The following TDRD3 variants were observed in gnomAD, a reference collection of about 807,000 sequenced individuals.
TDRD3 encodes the protein tudor domain-containing protein 3.
TDRD3 carries 45 observed loss-of-function variants against 86.7 expected under a neutral mutation model. The observed-to-expected ratio is 0.52, with a 90% CI of 0.41 to 0.67. The LOEUF (loss-of-function observed/expected upper bound fraction) is 0.67. Ranked by LOEUF, TDRD3 falls within the 30% of genes least tolerant of loss-of-function variation. The pLI, the probability that TDRD3 is intolerant of heterozygous loss-of-function variation, is 0.00. For missense variants in TDRD3, 814 were observed against 889.0 expected (o/e 0.92, Z 1.07); for synonymous variants, 298 against 301.7 (o/e 0.99, Z 0.13).
intron 12 of TDRD3, among the ~76,000 whole-genome samples, chr13:60,555,837 C>G (rs1284104020): frequency 1.3e-5 from 2 of 150,468 alleles, no homozygotes; most frequent in Non-Finnish European, 3.0e-5. Flanking sequence ...GGAAAAAAAA[C>G]CAACCTATTT....
chr13:60,498,804 C>T (rs1241557197), intron 8 of TDRD3, among the ~76,000 whole-genome samples: 5 of 152,082 alleles, frequency 3.3e-5, no homozygotes, highest in African/African-American at 1.2e-4. Context: ...GTTTTGGGGA[C>T]TACTGGAAAC....
At chr13:60,416,426 C>T (rs1479854871) in intron 1 of TDRD3, among the ~76,000 whole-genome samples, 1 of 152,092 alleles carries the variant, frequency 6.6e-6, no homozygotes, top group African/African-American at 2.4e-5. Flanking sequence ...GTGCTATTTC[C>T]AAAGCAGTAT....
intron 1 of TDRD3, among the ~76,000 whole-genome samples, chr13:60,436,449 A>T (rs1164844497): frequency 1.3e-5 from 2 of 152,076 alleles, no homozygotes; most frequent in African/African-American, 4.8e-5. Context: ...CGATTTTTGT[A>T]TAAGGTGAGA....
At chr13:60,550,472 AAG>A (rs1202348635) in intron 12 of TDRD3, among the ~76,000 whole-genome samples, 2 of 152,208 alleles carry the variant, frequency 1.3e-5, no homozygotes, top group African/African-American at 4.8e-5. Context: ...TGTAGATACG[AAG>A]AGAGGAAAAA....
intron 1 of TDRD3, among the ~76,000 whole-genome samples, chr13:60,427,034 A>T (rs1954831030): frequency 6.6e-6 from 1 of 152,258 alleles, no homozygotes; most frequent in Non-Finnish European, 1.5e-5. Context: ...TGTATATTAA[A>T]AAATATGTAA....
chr13:60,501,040 A>G (rs778619772), intron 8 of TDRD3, among the ~76,000 whole-genome samples: 8 of 152,174 alleles, frequency 5.3e-5, no homozygotes, highest in South Asian at 4.1e-4. Context: ...GCCAGTGACT[A>G]TTCCTTGGGG....
chr13:60,535,416 A>T (rs1957677883), intron 12 of TDRD3, 183 bp downstream of exon 12: 5 of 489,032 alleles, frequency 1.0e-5, no homozygotes, highest in Non-Finnish European at 1.6e-5. Context: ...AATAAAAATG[A>T]ATGCATTGAA....
intron 3 of TDRD3, among the ~76,000 whole-genome samples, chr13:60,453,933 G>A (rs1955604988): frequency 6.6e-6 from 1 of 150,860 alleles, no homozygotes; most frequent in African/African-American, 2.4e-5. Flanking sequence ...TTCTCTTTAA[G>A]GCTATCAATT....
At chr13:60,567,801 G>A (rs1725018553) in intron 13 of TDRD3, among the ~76,000 whole-genome samples, 151 bp downstream of exon 13, 1 of 151,948 alleles carries the variant, frequency 6.6e-6, no homozygotes, top group Admixed American at 6.6e-5. Context: ...TCGGCTCACT[G>A]TAACTTCTGC....
intron 3 of TDRD3, among the ~76,000 whole-genome samples, chr13:60,447,800 G>A (rs996726863): frequency 6.6e-6 from 1 of 152,118 alleles, no homozygotes; most frequent in Non-Finnish European, 1.5e-5. Context: ...AGTGAGGATT[G>A]GAGAGCATTT....
Position 60,559,506 on chromosome 13 carries a change from TAACTA to T in TDRD3, c.2119-8018_2119-8014del, listed in dbSNP as rs770504643. Among the ~76,000 whole-genome samples, 8 of 152,190 alleles carry T rather than the reference TAACTA, an allele frequency of 5.3e-5. No individual in the cohort carries two copies. The East Asian group carries it at 5.8e-4, about 11-fold the overall frequency. On this transcript the variant is annotated intron_variant, in intron 12 of 13. Transcript: ENST00000377881. ...AAAATTATATATTCGTTCCTGTACT[TAACTA>T]TACTATTTCAACAAAGACAATAATC... is the stretch of plus-strand genomic sequence containing the variant.
chr13:60,551,236 G>C (rs1958045709), intron 12 of TDRD3, among the ~76,000 whole-genome samples: 1 of 152,146 alleles, frequency 6.6e-6, no homozygotes, highest in South Asian at 2.1e-4. Flanking sequence ...GAAAGATATA[G>C]AATATTTTTT....
Position 60,542,721 on chromosome 13 carries a change from A to G in TDRD3, c.2118+7488A>G, listed in dbSNP as rs561416280. 6.1e-4 allele frequency among the ~76,000 whole-genome samples: 93 copies of G among 152,246 alleles called. 1 individual carries two copies. Among genetic ancestry groups the G allele is most frequent in the Admixed American group, 8.5e-4 (13 of 15,290 alleles). Reference sequence around the variant, plus strand: ...AATCCTATGTATGTCTCTACTTAATACTATTTCTCTTTAGTCTTACTTTTA... The same window carrying G: ...AATCCTATGTATGTCTCTACTTAATGCTATTTCTCTTTAGTCTTACTTTTA... On this transcript the variant is annotated intron_variant, in intron 12 of 13. Transcript: ENST00000377881.
intron 10 of TDRD3, among the ~76,000 whole-genome samples, chr13:60,522,809 T>C (rs1957318762): frequency 6.6e-6 from 1 of 152,236 alleles, no homozygotes; most frequent in Non-Finnish European, 1.5e-5. Context: ...GCCTTTGTGA[T>C]TTCTACATCT....
Position 60,509,813 on chromosome 13 carries a change from A to G in TDRD3, c.909A>G (p.Glu303=). ...TAACGGAAATGGGCTTCAGTAAGGAAGCATCGAGGCAAGCTCTTATGGATA... is the reference window on the plus strand; with the variant it reads ...TAACGGAAATGGGCTTCAGTAAGGAGGCATCGAGGCAAGCTCTTATGGATA... ...KHITEMGFSK[E]ASRQALMDNG... Residue 303 remains glutamate, a synonymous_variant, in exon 9 of 14, where the codon GAA becomes GAG. Transcript: ENST00000377881. The G allele has an allele frequency of 6.2e-7, 1 of 1,613,918 alleles. No homozygotes were observed. Among genetic ancestry groups the G allele is most frequent in the Non-Finnish European group, 8.5e-7 (1 of 1,179,788 alleles).
chr13:60,563,211 G>C (rs914367354), intron 12 of TDRD3, among the ~76,000 whole-genome samples: 1 of 142,944 alleles, frequency 7.0e-6, no homozygotes, highest in Non-Finnish European at 1.5e-5. Context: ...CTGGGTGACA[G>C]AGCAAGACTC....
At chr13:60,494,316 C>T (rs1956665687) in intron 7 of TDRD3, 119 bp from the exon 8 acceptor site, 5 of 1,075,554 alleles carry the variant, frequency 4.6e-6, no homozygotes, top group South Asian at 3.2e-5. Context: ...TTTATTTTTT[C>T]ATGTAAAACA....
At chr13:60,539,686 T>C (rs1957770160) in intron 12 of TDRD3, among the ~76,000 whole-genome samples, 1 of 151,832 alleles carries the variant, frequency 6.6e-6, no homozygotes, top group African/African-American at 2.4e-5. Flanking sequence ...AATGTCATCC[T>C]GGGAAGCACA....
Position 60,397,257 on chromosome 13 carries a change from TTTTTC to T in TDRD3, c.-93_-89del, listed in dbSNP as rs1357475793. On this transcript the variant is annotated 5_prime_UTR_variant, in exon 1 of 14. An upstream open reading frame in the 5' UTR gains an earlier in-frame stop. Coordinates refer to ENST00000377881, the MANE Select transcript of TDRD3 (RefSeq NM_001146070.2). ...CAGTTGCAGAGCCGACCAGAGGAGTTTTTTCTTTTCTTTTCTTTTTTTTTTTTTAA... is the reference window on the plus strand; with the variant it reads ...CAGTTGCAGAGCCGACCAGAGGAGTTTTTTCTTTTCTTTTTTTTTTTTTAA... 1,152 of 575,848 alleles carry T rather than the reference TTTTTC, an allele frequency of 2.0e-3. 1 individual carries two copies. Among genetic ancestry groups the T allele is most frequent in the South Asian group, 3.9e-3 (124 of 31,486 alleles). 35.7% of individuals were successfully genotyped at this position (575,848 alleles called of 1,614,324 possible). A position where few individuals can be genotyped will look rare whatever the true frequency, so the allele number is the denominator to read the frequency against.
Sources: gnomAD v4.1 joint callset for allele counts (sites outside exome capture counted in the v4.1 genomes callset) on GRCh38, gnomAD v4.1.1 for gene constraint, MANE v1.5 for transcripts, NCBI Gene and HGNC (gene_info 2026-07-23, HGNC 2026-07-21) for gene names.